The following WDR4 variants were observed in gnomAD, a reference collection of about 807,000 sequenced individuals.
WDR4 encodes the protein WDR4 tRNA N7-guanosine methyltransferase non-catalytic subunit.
A neutral mutation model predicts 48.6 loss-of-function variants in WDR4; 47 were observed. That is an observed-to-expected ratio of 0.97 (90% confidence interval 0.77 to 1.23). WDR4 has a LOEUF of 1.23. WDR4 is among the 50% of genes most tolerant of loss of function. The pLI, the probability that WDR4 is intolerant of heterozygous loss-of-function variation, is 0.00. For synonymous variants in WDR4, 268 were observed against 230.0 expected (o/e 1.17, Z -1.49); for missense variants, 606 against 551.6 (o/e 1.10, Z -0.99).
chr21:42,859,537 C>T, intron 6 of WDR4, 125 bp downstream of exon 6: 1 of 1,138,042 alleles, frequency 8.8e-7, no homozygotes, highest in African/African-American at 1.6e-5. Flanking sequence ...GCTCTAAGAT[C>T]TAGTGGACAG....
chr21:42,854,605 C>T lies in WDR4; in HGVS notation c.748G>A (p.Ala250Thr). ...APQKFAASRI[A>T]FWCQENCVAL... ...ACGCAGTTCTCCTGGCACCAGAATGCAATCCTGGACGCGGCAAACTTCTAA... is the reference window on the plus strand; with the variant it reads ...ACGCAGTTCTCCTGGCACCAGAATGTAATCCTGGACGCGGCAAACTTCTAA... Residue 250 changes from alanine to threonine, a missense_variant, in exon 8 of 11, where the codon GCA becomes ACA. Transcript: ENST00000398208. The T allele has an allele frequency of 6.2e-7, 1 of 1,613,778 alleles. No homozygotes were observed. The highest frequency in any genetic ancestry group is 1.1e-5 in the South Asian group (1 of 91,024).
intron 1 of WDR4, chr21:42,878,999 A>C (rs962867249): frequency 4.9e-6 from 5 of 1,011,478 alleles, no homozygotes; most frequent in Non-Finnish European, 4.7e-6. Flanking sequence ...CACCAGGGAG[A>C]CCCGAGACCC....
intron 6 of WDR4, among the ~76,000 whole-genome samples, chr21:42,858,260 C>G (rs969044901): frequency 1.3e-5 from 2 of 152,198 alleles, no homozygotes; most frequent in African/African-American, 2.4e-5. Flanking sequence ...TGGGGCCCAC[C>G]AAGTCACCTC....
Position 42,856,479 on chromosome 21 carries a change from A to C in WDR4, c.628-699T>G, listed in dbSNP as rs918617970. ...CTATTCACAGGCTTGCTCCTGGCTC[A>C]CTGCAGCCTCTGACTCCCAGGCCCA... is the stretch of plus-strand genomic sequence containing the variant. On this transcript the variant is annotated intron_variant, in intron 6 of 10. Transcript: ENST00000398208. 1.6e-4 allele frequency among the ~76,000 whole-genome samples: 25 copies of C among 151,964 alleles called. No homozygotes were observed. The Middle Eastern group carries it at 0.01, about 62-fold the overall frequency.
upstream of WDR4, chr21:42,879,895 CG>C (rs1190408000): frequency 7.5e-6 from 3 of 398,816 alleles, no homozygotes; most frequent in Non-Finnish European, 1.3e-5. Context: ...GTGAATGAAC[CG>C]GGGGCCGTGG....
downstream of WDR4, among the ~76,000 whole-genome samples, chr21:42,846,422 G>C (rs1351022272): frequency 2.0e-5 from 3 of 152,208 alleles, no homozygotes; most frequent in African/African-American, 7.2e-5. Context: ...CATGGGCGTG[G>C]GGGCTTCTCA....
chr21:42,879,533 C>A lies in WDR4; in HGVS notation c.-38G>T. 6.2e-7 allele frequency: 1 copy of A among 1,609,152 alleles called. No individual in the cohort carries two copies. The highest frequency in any genetic ancestry group is 8.5e-7 in the Non-Finnish European group (1 of 1,178,116). On this transcript the variant is annotated 5_prime_UTR_variant, in exon 1 of 11. Coordinates refer to ENST00000398208, the MANE Select transcript of WDR4 (RefSeq NM_018669.6). ...CTCACCGCCATACACATGTGCCAGC[C>A]CAGAGCCTCTTCCTGTCCGCACCGG...
At chr21:42,874,363 T>G (rs1444127357) in intron 2 of WDR4, among the ~76,000 whole-genome samples, 1 of 152,164 alleles carries the variant, frequency 6.6e-6, no homozygotes, top group African/African-American at 2.4e-5. Context: ...CTGTGATAAT[T>G]GCGTTGACTG....
chr21:42,879,370 G>A lies in WDR4; in HGVS notation c.89+37C>T, dbSNP rs774466552. 1.4e-5 allele frequency: 22 copies of A among 1,603,864 alleles called. No individual in the cohort carries two copies. The African/African-American group carries it at 2.4e-4, about 18-fold the overall frequency. On this transcript the variant is annotated intron_variant, in intron 1 of 10. Transcript: ENST00000398208. The stretch of plus-strand genomic sequence containing the variant: ...CGCCAGGACCCGACGCGCGCCCGCA[G>A]CCTGGTCTCCCTGTTCCAAGACCAA...
At chr21:42,852,087 C>T (rs1392983597) in intron 10 of WDR4, among the ~76,000 whole-genome samples, 168 bp downstream of exon 10, 3 of 152,224 alleles carry the variant, frequency 2.0e-5, no homozygotes, top group South Asian at 2.1e-4. Flanking sequence ...TTCTGCTGTG[C>T]GTCACCCACC....
At chr21:42,887,514 G>A in the WDR4 span, among the ~76,000 whole-genome samples, 2 of 152,010 alleles carry the variant, frequency 1.3e-5, no homozygotes, top group Admixed American at 6.6e-5. Context: ...CGTGTCACAC[G>A]GCATTTTAAG....
rs2058144431 is a variant in WDR4, at chr21:42,862,589, G to A, written c.454-195C>T. ...GGCCCTCATTCTCCCTCCCCAGAGG[G>A]TCCCTGGCCACCTCTAGCCCTCACT... On this transcript the variant is annotated intron_variant, in intron 4 of 10. Transcript: ENST00000398208. This position sits in a 1 kb window ranked among gnomAD's most constrained non-coding sequence, Gnocchi z 4.3. 6.6e-6 allele frequency among the ~76,000 whole-genome samples: 1 copy of A among 152,130 alleles called. No individual in the cohort carries two copies. Among genetic ancestry groups the A allele is most frequent in the Non-Finnish European group, 1.5e-5 (1 of 68,004 alleles).
chr21:42,871,788 G>A (rs931660983), intron 3 of WDR4, among the ~76,000 whole-genome samples: 1 of 152,188 alleles, frequency 6.6e-6, no homozygotes, highest in Non-Finnish European at 1.5e-5. Flanking sequence ...TTTAAACCAT[G>A]TGCATCTATT....
chr21:42,862,354 C>A lies in WDR4; in HGVS notation c.494G>T (p.Arg165Leu). The A allele has an allele frequency of 6.2e-7, 1 of 1,611,514 alleles. No individual in the cohort carries two copies. Among genetic ancestry groups the A allele is most frequent in the Non-Finnish European group, 8.5e-7 (1 of 1,178,994 alleles). The change falls in exon 5 of 11, where the codon CGG becomes CTG. Residue 165 changes from arginine (R) to leucine (L), a missense_variant. Coordinates refer to ENST00000398208, the MANE Select transcript of WDR4 (RefSeq NM_018669.6). This position sits in a 1 kb window ranked among gnomAD's most constrained non-coding sequence, Gnocchi z 4.3. ...PDDRFILTAD[R>L]DEKIRVSWAA... ...CCAGCTGACTCGGATCTTCTCGTCC[C>A]GGTCGGCAGTGAGGATGAAGCGGTC...
downstream of WDR4, among the ~76,000 whole-genome samples, chr21:42,845,972 A>G (rs1290390079): frequency 6.6e-6 from 1 of 151,986 alleles, no homozygotes; most frequent in Non-Finnish European, 1.5e-5. Context: ...ATCTCTACAA[A>G]AACTACAAAA....
At chr21:42,848,560 G>A (rs542798507), downstream of WDR4, among the ~76,000 whole-genome samples, 1 of 51,308 alleles carries the variant, frequency 1.9e-5, no homozygotes, top group Admixed American at 2.1e-4. Context: ...CACAGCACAC[G>A]ATCACGCGGC....
downstream of WDR4, among the ~76,000 whole-genome samples, chr21:42,847,135 T>TA (rs1353949792): frequency 6.6e-6 from 1 of 151,592 alleles, no homozygotes; most frequent in African/African-American, 2.4e-5. Flanking sequence ...ACATAGAAAC[T>TA]AAAAAAATAA....
chr21:42,872,025 C>T (rs560542267), intron 3 of WDR4, among the ~76,000 whole-genome samples: 7 of 151,964 alleles, frequency 4.6e-5, no homozygotes, highest in African/African-American at 1.7e-4. Flanking sequence ...GCTCTTCTCA[C>T]CCAGGCTGGA....
intron 7 of WDR4, among the ~76,000 whole-genome samples, chr21:42,855,170 G>A (rs1326788617): frequency 6.6e-6 from 1 of 152,046 alleles, no homozygotes; most frequent in Admixed American, 6.6e-5. Flanking sequence ...GAAACTTCCA[G>A]GAACCTGAGT....
Sources: allele counts gnomAD v4.1 joint callset (sites outside exome capture counted in the v4.1 genomes callset), GRCh38; gene constraint gnomAD v4.1.1; non-coding constraint Gnocchi (gnomAD v3.1); transcripts MANE v1.5; gene names NCBI Gene and HGNC (gene_info 2026-07-23, HGNC 2026-07-21).